The following FARS2 variants were observed in gnomAD, a reference collection of about 807,000 sequenced individuals.
The protein encoded by FARS2 is phenylalanine--tRNA ligase, mitochondrial.
In FARS2, 40 loss-of-function variants were observed where a neutral mutation model predicts 46.4. That is an observed-to-expected ratio of 0.86 (90% confidence interval 0.67 to 1.12). FARS2 has a LOEUF of 1.12. FARS2 is among the 50% of genes most tolerant of loss of function. The pLI is 0.00. For synonymous variants in FARS2, 234 were observed against 214.9 expected (o/e 1.09, Z -0.78); for missense variants, 513 against 567.9 (o/e 0.90, Z 0.98).
At chr6:5,414,513 T>C (rs1031667316) in intron 3 of FARS2, among the ~76,000 whole-genome samples, 19 of 152,222 alleles carry the variant, frequency 1.2e-4, no homozygotes, top group African/African-American at 4.3e-4. Context: ...GAAATCCTAT[T>C]GTATGTATTC....
chr6:5,554,844 T>G (rs1164602667), intron 5 of FARS2, among the ~76,000 whole-genome samples: 1 of 151,580 alleles, frequency 6.6e-6, no homozygotes, highest in Non-Finnish European at 1.5e-5. Context: ...ATTGAACTAG[T>G]AAGCTGTTAC....
At chr6:5,710,446 A>G (rs1759070168) in intron 6 of FARS2, among the ~76,000 whole-genome samples, 2 of 152,238 alleles carry the variant, frequency 1.3e-5, no homozygotes, top group African/African-American at 2.4e-5. Context: ...ACTAAAAACT[A>G]GGCAAAATAA....
chr6:5,514,626 A>G (rs936780374), intron 4 of FARS2, among the ~76,000 whole-genome samples: 2 of 152,200 alleles, frequency 1.3e-5, no homozygotes, highest in African/African-American at 4.8e-5. Context: ...GTACCTGGTG[A>G]AGAGAATTTT....
chr6:5,759,012 A>T (rs1762353933), intron 6 of FARS2, among the ~76,000 whole-genome samples: 1 of 152,148 alleles, frequency 6.6e-6, no homozygotes, highest in Admixed American at 6.5e-5. Context: ...GGAGGCCCTG[A>T]GATGGTGGTG....
At chr6:5,272,436 A>G (rs1445512442) in intron 1 of FARS2, 1 of 152,222 alleles carries the variant, frequency 6.6e-6, no homozygotes, top group Non-Finnish European at 1.5e-5. Context: ...TTGCATTATC[A>G]AATCAAGGAG....
At chr6:5,469,885 A>G (rs1032716819) in intron 4 of FARS2, among the ~76,000 whole-genome samples, 2 of 152,096 alleles carry the variant, frequency 1.3e-5, no homozygotes, top group African/African-American at 4.8e-5. Flanking sequence ...TAGTTTTGTC[A>G]TTTGTCATTT....
chr6:5,350,169 A>ATTTTT (rs57211565), intron 1 of FARS2, among the ~76,000 whole-genome samples: 1 of 131,710 alleles, frequency 7.6e-6, no homozygotes, highest in African/African-American at 2.9e-5. Context: ...TGCCTGGCAA[A>ATTTTT]TTTTTTTTTT....
chr6:5,323,815 C>T (rs1324496365), intron 1 of FARS2, among the ~76,000 whole-genome samples: 1 of 152,164 alleles, frequency 6.6e-6, no homozygotes, highest in Non-Finnish European at 1.5e-5. Flanking sequence ...TCAGAAACCG[C>T]CTAAATCCAA....
At chr6:5,329,278 C>T (rs955431586) in intron 1 of FARS2, among the ~76,000 whole-genome samples, 1 of 152,132 alleles carries the variant, frequency 6.6e-6, no homozygotes, top group Non-Finnish European at 1.5e-5. Flanking sequence ...TGTGCTTTAT[C>T]TTATTCAGTT....
intron 1 of FARS2, among the ~76,000 whole-genome samples, chr6:5,299,652 T>C (rs912076127): frequency 6.6e-6 from 1 of 152,210 alleles, no homozygotes; most frequent in Non-Finnish European, 1.5e-5. Context: ...GTCATTTACA[T>C]TGTGTATGTC....
At chr6:5,611,966 A>G (rs1331482421) in intron 5 of FARS2, among the ~76,000 whole-genome samples, 2 of 152,230 alleles carry the variant, frequency 1.3e-5, no homozygotes, top group Admixed American at 6.5e-5. Context: ...AAGGGAAAAC[A>G]ACCTGTGTAA....
intron 4 of FARS2, among the ~76,000 whole-genome samples, chr6:5,524,149 CTTTAGAGATAGCAGTG>C (rs1769321136): frequency 6.6e-6 from 1 of 152,186 alleles, no homozygotes; most frequent in Non-Finnish European, 1.5e-5. Flanking sequence ...CTATTCACAT[CTTTAGAGATAGCAGTG>C]TTACCTATGG....
At chr6:5,641,076 G>C (rs1776792941) in intron 6 of FARS2, among the ~76,000 whole-genome samples, 1 of 152,114 alleles carries the variant, frequency 6.6e-6, no homozygotes, top group South Asian at 2.1e-4. Context: ...CTGGGGAAGA[G>C]GAGTACTGTG....
chr6:5,424,435 G>T (rs1433985370), intron 3 of FARS2, among the ~76,000 whole-genome samples: 4 of 152,186 alleles, frequency 2.6e-5, no homozygotes, highest in Non-Finnish European at 4.4e-5. Flanking sequence ...CCACATGCAG[G>T]AATCTTTGGT....
At chr6:5,530,574 C>T (rs1055838365) in intron 4 of FARS2, among the ~76,000 whole-genome samples, 1 of 151,054 alleles carries the variant, frequency 6.6e-6, no homozygotes, top group Non-Finnish European at 1.5e-5. Flanking sequence ...GGGAAGTATA[C>T]ACAGAAGTAT....
chr6:5,493,411 G>T (rs966144148), intron 4 of FARS2, among the ~76,000 whole-genome samples: 3 of 152,096 alleles, frequency 2.0e-5, no homozygotes, highest in African/African-American at 7.2e-5. Flanking sequence ...AAGAAATACT[G>T]CTTTAAATGA....
At chr6:5,660,533 A>T (rs998706250) in intron 6 of FARS2, among the ~76,000 whole-genome samples, 5 of 152,002 alleles carry the variant, frequency 3.3e-5, no homozygotes, top group Admixed American at 6.6e-5. Flanking sequence ...CTTTAGTCCC[A>T]GCTACTTGGG....
At chr6:5,691,811 C>T (rs906905058) in intron 6 of FARS2, among the ~76,000 whole-genome samples, 2 of 152,200 alleles carry the variant, frequency 1.3e-5, no homozygotes, top group African/African-American at 4.8e-5. Flanking sequence ...GCAGGCAGAC[C>T]TCCTTGAGCT....
chr6:5,762,644 C>G (rs899157491), intron 6 of FARS2, among the ~76,000 whole-genome samples: 1 of 152,226 alleles, frequency 6.6e-6, no homozygotes. Flanking sequence ...CTAAGGAACT[C>G]TTACGTTGCC....
Sources: gnomAD v4.1 joint callset for allele counts (sites outside exome capture counted in the v4.1 genomes callset) on GRCh38, gnomAD v4.1.1 for gene constraint, MANE v1.5 for transcripts, NCBI Gene and HGNC (gene_info 2026-07-23, HGNC 2026-07-21) for gene names.